Variants in ZNF385D observed in about 807,000 individuals in gnomAD.
ZNF385D encodes zinc finger protein 385D.
In ZNF385D, 15 loss-of-function variants were observed where a neutral mutation model predicts 35.8. The observed-to-expected ratio is 0.42, with a 90% CI of 0.28 to 0.64. The LOEUF is 0.64. ZNF385D is among the 30% of genes least tolerant of loss of function. The pLI is 0.23. For missense variants in ZNF385D, 474 were observed against 494.6 expected (o/e 0.96, Z 0.39); for synonymous variants, 212 against 186.8 (o/e 1.13, Z -1.10).
In ZNF385D at chr3:21,750,743, T is replaced by G. The variant is rs569558216; in HGVS notation, c.22+152A>C. 4.6e-6 allele frequency: 4 copies of G among 872,702 alleles called. No individual in the cohort carries two copies. The African/African-American group carries it at 6.8e-5, about 15-fold the overall frequency. The allele number at this position is 872,702 out of a possible 1,614,324, so 54.1% of individuals were successfully genotyped here. A position where few individuals can be genotyped will look rare whatever the true frequency, so the allele number is the denominator to read the frequency against. ...CCCCAGTTGTGGCACAAAGGAAGCT[T>G]TGAAGGCTGCACCGGCTTGGTCCTC... On this transcript the variant is annotated intron_variant, in intron 1 of 7. Coordinates refer to ENST00000281523, the MANE Select transcript of ZNF385D (RefSeq NM_024697.3).
In ZNF385D at chr3:21,656,899, A is replaced by G. The variant is rs533245658; in HGVS notation, c.165+7987T>C. On this transcript the variant is annotated intron_variant, in intron 2 of 7. Coordinates refer to ENST00000281523, the MANE Select transcript of ZNF385D (RefSeq NM_024697.3). ...TCCAAAAGAGCTACTGGATCACAAA[A>G]TGAGGTGTAAGCTTCAATATTTTCT... Among the ~76,000 whole-genome samples, 8 of 152,038 alleles carry G rather than the reference A, an allele frequency of 5.3e-5. No homozygotes were observed. In the East Asian group the frequency reaches 1.5e-3, roughly 29 times the overall value.
intron 3 of ZNF385D, among the ~76,000 whole-genome samples, chr3:21,512,743 C>G (rs1305682245): frequency 6.6e-6 from 1 of 152,176 alleles, no homozygotes; most frequent in Admixed American, 6.5e-5. Flanking sequence ...TAAGTTGATT[C>G]TACATGGAGA....
At chr3:21,580,401 C>T (rs987081823) in intron 2 of ZNF385D, among the ~76,000 whole-genome samples, 7 of 152,104 alleles carry the variant, frequency 4.6e-5, no homozygotes, top group Non-Finnish European at 8.8e-5. Context: ...TGAAATGTCA[C>T]AAAATTAAAG....
chr3:21,915,641 G>C (rs1185225005), intron 3 of ZNF385D, among the ~76,000 whole-genome samples: 1 of 151,152 alleles, frequency 6.6e-6, no homozygotes, highest in Admixed American at 6.6e-5. Flanking sequence ...CATACACAAA[G>C]AAAAAAAACA....
intron 3 of ZNF385D, among the ~76,000 whole-genome samples, chr3:22,156,421 C>T (rs1292270575): frequency 6.6e-6 from 1 of 152,166 alleles, no homozygotes; most frequent in East Asian, 1.9e-4. Context: ...ACATGCTCTT[C>T]AAATTAACTG....
chr3:21,564,400 A>AAACAT (rs1025941440), intron 3 of ZNF385D, among the ~76,000 whole-genome samples, 174 bp downstream of exon 3: 10 of 152,370 alleles, frequency 6.6e-5, no homozygotes, highest in Admixed American at 2.0e-4. Flanking sequence ...GTAAACAACC[A>AAACAT]AACATAACAT....
chr3:21,636,402 A>ATGAT (rs1158278495), intron 2 of ZNF385D, among the ~76,000 whole-genome samples: 2 of 42,500 alleles, frequency 4.7e-5, no homozygotes, highest in African/African-American at 2.1e-4. Context: ...ATATATATAT[A>ATGAT]TATATATATA....
intron 3 of ZNF385D, among the ~76,000 whole-genome samples, chr3:21,899,885 TA>T (rs1421801210): frequency 6.6e-6 from 1 of 152,106 alleles, no homozygotes; most frequent in Non-Finnish European, 1.5e-5. Flanking sequence ...TAAGATATAG[TA>T]AAAATGGAAC....
At chr3:21,500,528 T>G (rs1706284849) in intron 4 of ZNF385D, among the ~76,000 whole-genome samples, 1 of 152,204 alleles carries the variant, frequency 6.6e-6, no homozygotes, top group Admixed American at 6.5e-5. Flanking sequence ...TGTTCATGTT[T>G]CTGTGCACCC....
At chr3:22,010,312 T>C (rs1559845946) in intron 3 of ZNF385D, among the ~76,000 whole-genome samples, 1 of 152,312 alleles carries the variant, frequency 6.6e-6, no homozygotes, top group East Asian at 1.9e-4. Flanking sequence ...TTCGGAAATT[T>C]ACTGAAGTGG....
intron 1 of ZNF385D, among the ~76,000 whole-genome samples, chr3:21,728,968 A>T (rs2068881425): frequency 6.6e-6 from 1 of 152,230 alleles, no homozygotes; most frequent in East Asian, 1.9e-4. Context: ...TGTCTGGAAC[A>T]GTGTTTGGAG....
At chr3:22,250,208 T>C (rs981554415) in intron 2 of ZNF385D, among the ~76,000 whole-genome samples, 1 of 152,122 alleles carries the variant, frequency 6.6e-6, no homozygotes, top group South Asian at 2.1e-4. Flanking sequence ...AATTTAAAAA[T>C]CTGAAAATTT....
chr3:22,094,756 T>C (rs1232257953), intron 3 of ZNF385D, among the ~76,000 whole-genome samples: 2 of 152,058 alleles, frequency 1.3e-5, no homozygotes, highest in Non-Finnish European at 2.9e-5. Context: ...TGTGTGATTT[T>C]GTGTCAAATG....
At chr3:22,204,243 C>G (rs1179790588) in intron 2 of ZNF385D, among the ~76,000 whole-genome samples, 1 of 152,018 alleles carries the variant, frequency 6.6e-6, no homozygotes, top group African/African-American at 2.4e-5. Context: ...CCAAGATCAC[C>G]AAGACAGTAC....
At chr3:21,807,840 G>A (rs2072722886) in intron 3 of ZNF385D, among the ~76,000 whole-genome samples, 1 of 152,180 alleles carries the variant, frequency 6.6e-6, no homozygotes, top group African/African-American at 2.4e-5. Context: ...AAGTCTCTGA[G>A]ATGGAGTGTC....
chr3:22,278,842 T>A (rs1701568542), intron 2 of ZNF385D, among the ~76,000 whole-genome samples: 1 of 152,042 alleles, frequency 6.6e-6, no homozygotes, highest in African/African-American at 2.4e-5. Context: ...GGGGTCTGGG[T>A]TTACTGGAAG....
intron 2 of ZNF385D, among the ~76,000 whole-genome samples, chr3:22,347,082 A>C (rs1695691128): frequency 6.6e-6 from 1 of 151,786 alleles, no homozygotes. Context: ...TGCAAAAATG[A>C]AAGTGACATA....
intron 1 of ZNF385D, among the ~76,000 whole-genome samples, chr3:21,726,351 T>G (rs2068765234): frequency 6.6e-6 from 1 of 152,024 alleles, no homozygotes; most frequent in Non-Finnish European, 1.5e-5. Flanking sequence ...GAGAAAGAAA[T>G]AAAGGATACT....
intron 1 of ZNF385D, among the ~76,000 whole-genome samples, chr3:21,742,533 A>T (rs1359915006): frequency 1.3e-5 from 2 of 152,228 alleles, no homozygotes; most frequent in Non-Finnish European, 1.5e-5. Flanking sequence ...TACATTTCCC[A>T]GGCCACCTCA....
Sources: gnomAD v4.1 joint callset for allele counts (sites outside exome capture counted in the v4.1 genomes callset) on GRCh38, gnomAD v4.1.1 for gene constraint, MANE v1.5 for transcripts, NCBI Gene and HGNC (gene_info 2026-07-23, HGNC 2026-07-21) for gene names.